The following TEAD1 variants were observed in gnomAD, a reference collection of about 807,000 sequenced individuals.
The protein encoded by TEAD1 is transcriptional enhancer factor TEF-1.
A neutral mutation model predicts 54.9 loss-of-function variants in TEAD1; 9 were observed. The ratio of observed to expected loss-of-function variants is 0.16; its 90% CI spans 0.10 to 0.29. The LOEUF (loss-of-function observed/expected upper bound fraction) is 0.29, where lower values mean the gene tolerates loss of function less well. Ranked by LOEUF, TEAD1 falls within the 10% of genes least tolerant of loss-of-function variation. The pLI is 1.00. For missense variants in TEAD1, 387 were observed against 535.9 expected (o/e 0.72, Z 2.74); for synonymous variants, 200 against 187.8 (o/e 1.07, Z -0.53).
intron 2 of TEAD1, among the ~76,000 whole-genome samples, chr11:12,690,456 C>T (rs957780785): frequency 1.3e-5 from 2 of 151,996 alleles, no homozygotes; most frequent in African/African-American, 4.8e-5. Context: ...TTACAGAAGC[C>T]CCTGTGTTTC....
At chr11:12,903,146 G>A (rs755220999) in intron 10 of TEAD1, among the ~76,000 whole-genome samples, 13 of 152,100 alleles carry the variant, frequency 8.5e-5, no homozygotes, top group African/African-American at 2.7e-4. Context: ...CATCCTCCAC[G>A]TTTTAGGTGG....
rs150707695 is a variant in TEAD1, at chr11:12,897,995, T to C, written c.700-3945T>C. 4.1e-3 allele frequency among the ~76,000 whole-genome samples: 623 copies of C among 152,300 alleles called. 25 individuals carry two copies. The highest frequency in any genetic ancestry group is 0.038 in the Admixed American group (578 of 15,306). On this transcript the variant is annotated intron_variant, in intron 9 of 12. Coordinates refer to ENST00000527636, the MANE Select transcript of TEAD1 (RefSeq NM_021961.6). ...GGATGTGTGACCTCAGGCAAGTCAGTTCATCTCTAAGCTTCTATTTCCTCA... is the reference window on the plus strand; with the variant it reads ...GGATGTGTGACCTCAGGCAAGTCAGCTCATCTCTAAGCTTCTATTTCCTCA...
chr11:12,881,141 C>T, intron 7 of TEAD1, 90 bp downstream of exon 7: 1 of 1,425,840 alleles, frequency 7.0e-7, no homozygotes. Context: ...TGTCTCAGGG[C>T]CTGGAGGAGA....
At chr11:12,735,998 G>A (rs910758501) in intron 2 of TEAD1, among the ~76,000 whole-genome samples, 1 of 152,124 alleles carries the variant, frequency 6.6e-6, no homozygotes, top group Non-Finnish European at 1.5e-5. Context: ...TACATAATAG[G>A]CCATGTTTTA....
chr11:12,927,011 C>T (rs1948914862), intron 11 of TEAD1, among the ~76,000 whole-genome samples: 1 of 152,182 alleles, frequency 6.6e-6, no homozygotes, highest in African/African-American at 2.4e-5. Context: ...CCTGCCTGGA[C>T]AGGTGCATTT....
At chr11:12,747,283 A>G (rs1342901399) in intron 2 of TEAD1, among the ~76,000 whole-genome samples, 1 of 152,084 alleles carries the variant, frequency 6.6e-6, no homozygotes, top group East Asian at 1.9e-4. Context: ...AGCAGGGAAG[A>G]AGGTGGATAT....
At position 12,937,098 on chromosome 11, in the gene TEAD1, T is replaced by TA; in HGVS notation, c.1168-10dup. The TA allele has an allele frequency of 3.1e-6, 5 of 1,591,078 alleles. No homozygotes were observed. Among genetic ancestry groups the TA allele is most frequent in the South Asian group, 2.2e-5 (2 of 90,556 alleles). On this transcript the variant is annotated splice_polypyrimidine_tract_variant and intron_variant, in intron 12 of 12. Coordinates refer to ENST00000527636, the MANE Select transcript of TEAD1 (RefSeq NM_021961.6). ...CTTTTGGTATTATATACTTTTTTTT[T>TA]ATCTTAACAGGTGGTAACAAACAGG...
At chr11:12,752,032 C>T (rs965548297) in intron 2 of TEAD1, among the ~76,000 whole-genome samples, 13 of 152,124 alleles carry the variant, frequency 8.5e-5, no homozygotes, top group African/African-American at 2.9e-4. Flanking sequence ...TGATGAGCAG[C>T]GTCTTCCACA....
At chr11:12,901,830 G>C (rs1948430740) in intron 9 of TEAD1, 110 bp from the exon 10 acceptor site, 7 of 1,247,648 alleles carry the variant, frequency 5.6e-6, no homozygotes, top group Non-Finnish European at 7.1e-6. Context: ...TGGACTGGAA[G>C]GCCTAATTCC....
intron 8 of TEAD1, 64 bp downstream of exon 8, chr11:12,882,021 A>T (rs776913345): frequency 2.8e-5 from 44 of 1,555,416 alleles, no homozygotes; most frequent in Non-Finnish European, 3.9e-5. Context: ...TGGGTCTGGC[A>T]CTTTGTTCCC....
At chr11:12,884,649 A>G (rs1290009899) in intron 9 of TEAD1, among the ~76,000 whole-genome samples, 1 of 152,168 alleles carries the variant, frequency 6.6e-6, no homozygotes, top group Non-Finnish European at 1.5e-5. Context: ...AGCTGGTGGA[A>G]AAATAGAGCT....
chr11:12,936,321 G>A (rs1949098219), intron 12 of TEAD1, among the ~76,000 whole-genome samples: 1 of 152,148 alleles, frequency 6.6e-6, no homozygotes, highest in South Asian at 2.1e-4. Flanking sequence ...GACTGGAGGG[G>A]AAGCATGAGT....
chr11:12,700,311 G>C (rs753448596), intron 2 of TEAD1, among the ~76,000 whole-genome samples: 2 of 152,056 alleles, frequency 1.3e-5, no homozygotes, highest in Non-Finnish European at 2.9e-5. Context: ...TCCATAACTA[G>C]AGATCCCTTA....
chr11:12,783,360 T>G (rs1318748836), intron 3 of TEAD1, among the ~76,000 whole-genome samples: 6 of 152,178 alleles, frequency 3.9e-5, no homozygotes, highest in Non-Finnish European at 4.4e-5. Context: ...AAGTTAGTTC[T>G]GGTAAAAGCT....
chr11:12,927,494 A>G (rs1422895489), intron 11 of TEAD1, among the ~76,000 whole-genome samples: 1 of 152,202 alleles, frequency 6.6e-6, no homozygotes, highest in Non-Finnish European at 1.5e-5. Context: ...CAGGCTCACT[A>G]TTCTTTTTCA....
chr11:12,842,634 T>C (rs1055836704), intron 3 of TEAD1, among the ~76,000 whole-genome samples: 1 of 152,234 alleles, frequency 6.6e-6, no homozygotes, highest in Non-Finnish European at 1.5e-5. Context: ...TCAGAACCAC[T>C]GATTTTTATC....
At chr11:12,762,364 C>T (rs4415740) in intron 2 of TEAD1, among the ~76,000 whole-genome samples, 71,710 of 151,716 alleles carry the variant, frequency 0.47, 18,487 homozygotes, top group African/African-American at 0.69. Flanking sequence ...GTTTGAATTT[C>T]ATAAGACTCT....
chr11:12,709,052 T>G (rs1943877569), intron 2 of TEAD1, among the ~76,000 whole-genome samples: 1 of 152,086 alleles, frequency 6.6e-6, no homozygotes, highest in African/African-American at 2.4e-5. Flanking sequence ...ACCATAGTAA[T>G]TTGGGCTGGG....
At chr11:12,809,549 T>C (rs1387945010) in intron 3 of TEAD1, among the ~76,000 whole-genome samples, 1 of 152,086 alleles carries the variant, frequency 6.6e-6, no homozygotes. Flanking sequence ...TCAAAGACCA[T>C]GCTTCTTGGT....
Sources: allele counts gnomAD v4.1 joint callset (sites outside exome capture counted in the v4.1 genomes callset), GRCh38; gene constraint gnomAD v4.1.1; transcripts MANE v1.5; gene names NCBI Gene and HGNC (gene_info 2026-07-23, HGNC 2026-07-21).